Variants in CHRM3 observed in about 807,000 individuals in gnomAD.
CHRM3 encodes muscarinic acetylcholine receptor M3.
In CHRM3, 11 loss-of-function variants were observed where a neutral mutation model predicts 41.8. That is an observed-to-expected ratio of 0.26 (90% CI 0.17 to 0.44). The LOEUF is 0.44. Among genes scored for constraint, CHRM3 ranks in the 20% least tolerant of loss-of-function variants. The pLI is 1.00. For synonymous variants in CHRM3, 297 were observed against 301.4 expected (o/e 0.99, Z 0.15); for missense variants, 571 against 745.4 (o/e 0.77, Z 2.72).
intron 5 of CHRM3, among the ~76,000 whole-genome samples, chr1:239,813,724 T>A (rs596625): frequency 1.6e-5 from 2 of 125,174 alleles, no homozygotes; most frequent in South Asian, 2.7e-4. Flanking sequence ...GAGACCATCC[T>A]GGCTAACACG....
At chr1:239,502,775 G>T (rs191593736) in intron 2 of CHRM3, among the ~76,000 whole-genome samples, 115 of 152,176 alleles carry the variant, frequency 7.6e-4, no homozygotes, top group African/African-American at 2.7e-3. Context: ...CAATAACTGT[G>T]ATACACCACA....
intron 1 of CHRM3, among the ~76,000 whole-genome samples, chr1:239,440,225 A>G (rs140235285): frequency 0.031 from 4,760 of 151,288 alleles, 115 homozygotes; most frequent in Admixed American, 0.069. Context: ...GCCTCTCTAT[A>G]GGGACATTAA....
In CHRM3 at chr1:239,910,711, C is replaced by A. The variant is rs1572666961; in HGVS notation, c.*1487C>A. On this transcript the variant is annotated 3_prime_UTR_variant, in exon 7 of 7. Transcript: ENST00000676153. ...GTTGCTGCTGTAGCTGTTGGGGTTTCTTTTCCTGTTGCCGGGGCTGTTTGG... is the reference window on the plus strand; with the variant it reads ...GTTGCTGCTGTAGCTGTTGGGGTTTATTTTCCTGTTGCCGGGGCTGTTTGG... 1 of 154,178 alleles carries A rather than the reference C, an allele frequency of 6.5e-6. No individual in the cohort carries two copies. The highest frequency in any genetic ancestry group is 2.7e-5 in the African/African-American group (1 of 37,170). 9.6% of individuals were successfully genotyped at this position (154,178 alleles called of 1,614,324 possible).
At chr1:239,821,932 A>G (rs1672084808) in intron 5 of CHRM3, among the ~76,000 whole-genome samples, 1 of 152,170 alleles carries the variant, frequency 6.6e-6, no homozygotes, top group African/African-American at 2.4e-5. Context: ...ATAACTGTCC[A>G]GCATTTCCCC....
At position 239,838,923 on chromosome 1, in the gene CHRM3, A is replaced by G. The variant is rs548747729; in HGVS notation, c.-20+11545A>G. On this transcript the variant is annotated intron_variant, in intron 6 of 6. Coordinates refer to ENST00000676153, the MANE Select transcript of CHRM3 (RefSeq NM_001375978.1). ...CTCAGGGAAGAATCAAGAAAATTTA[A>G]AATGGATTAAGGATGATGTTAAACA... Among the ~76,000 whole-genome samples the G allele has an allele frequency of 2.7e-3, 415 of 152,374 alleles. 2 individuals carry two copies. Among genetic ancestry groups the G allele is most frequent in the African/African-American group, 9.7e-3 (404 of 41,598 alleles).
At chr1:239,843,482 T>A (rs1674006029) in intron 6 of CHRM3, among the ~76,000 whole-genome samples, 1 of 128,350 alleles carries the variant, frequency 7.8e-6, no homozygotes, top group Admixed American at 8.9e-5. Flanking sequence ...GCATTCCTCT[T>A]AGGACTTATC....
intron 5 of CHRM3, among the ~76,000 whole-genome samples, chr1:239,684,502 T>C (rs1658881571): frequency 6.6e-6 from 1 of 151,768 alleles, no homozygotes; most frequent in Admixed American, 6.6e-5. Flanking sequence ...GAGACCAGGC[T>C]GGGCAACATG....
chr1:239,404,422 GA>G lies in CHRM3; in HGVS notation c.-521+17198del, dbSNP rs1467818371. On this transcript the variant is annotated intron_variant, in intron 1 of 6. Coordinates refer to ENST00000676153, the MANE Select transcript of CHRM3 (RefSeq NM_001375978.1). The stretch of plus-strand genomic sequence containing the variant: ...AAAGAAAGAAAGAAAAAGAAAGAAA[GA>G]AAGAAAGAAAGAAAGAAAGAAAGAA... 2.1e-4 allele frequency among the ~76,000 whole-genome samples: 19 copies of G among 90,850 alleles called. 1 individual carries two copies. Among genetic ancestry groups the G allele is most frequent in the African/African-American group, 8.8e-4 (18 of 20,502 alleles). 59.6% of individuals were successfully genotyped at this position (90,850 alleles called of 152,430 possible).
At chr1:239,819,131 G>A (rs144622264) in intron 5 of CHRM3, among the ~76,000 whole-genome samples, 10 of 152,222 alleles carry the variant, frequency 6.6e-5, no homozygotes, top group Admixed American at 1.3e-4. Context: ...TACCTGACTG[G>A]AGTCCCTGGC....
At chr1:239,695,334 C>G (rs1433792242) in intron 5 of CHRM3, among the ~76,000 whole-genome samples, 2 of 152,070 alleles carry the variant, frequency 1.3e-5, no homozygotes, top group Non-Finnish European at 2.9e-5. Context: ...CAGAAAATAC[C>G]ATCTTATTTT....
At chr1:239,582,079 T>C (rs2148594018) in intron 3 of CHRM3, among the ~76,000 whole-genome samples, 1 of 152,324 alleles carries the variant, frequency 6.6e-6, no homozygotes, top group South Asian at 2.1e-4. Context: ...TTTAATTTCT[T>C]GTGAAAGAGC....
intron 1 of CHRM3, among the ~76,000 whole-genome samples, chr1:239,393,991 T>C (rs1273876011): frequency 6.6e-6 from 1 of 152,190 alleles, no homozygotes; most frequent in African/African-American, 2.4e-5. Flanking sequence ...TGTATATACA[T>C]CCATTATCAC....
In CHRM3 at chr1:239,702,469, G is replaced by A. The variant is rs539034153; in HGVS notation, c.-147+24181G>A. The stretch of plus-strand genomic sequence containing the variant: ...ACTTTCACAAATGTTCATTTCACTT[G>A]TAAGTCTAGGAAGGTAAGCATTGTC... On this transcript the variant is annotated intron_variant, in intron 5 of 6. Transcript: ENST00000676153. Among the ~76,000 whole-genome samples the A allele has an allele frequency of 3.9e-5, 6 of 152,290 alleles. No homozygotes were observed. The East Asian group carries it at 9.6e-4, about 24-fold the overall frequency.
intron 2 of CHRM3, among the ~76,000 whole-genome samples, chr1:239,505,237 A>G (rs1245680203): frequency 6.6e-6 from 1 of 150,670 alleles, no homozygotes; most frequent in Non-Finnish European, 1.5e-5. Context: ...CTTGAGGCAT[A>G]TTGTTCAGTA....
At chr1:239,643,176 C>T (rs765408269) in intron 4 of CHRM3, among the ~76,000 whole-genome samples, 69 of 152,058 alleles carry the variant, frequency 4.5e-4, no homozygotes, top group Middle Eastern at 3.4e-3. Context: ...TCTGCCCCTA[C>T]TGGGGGGTGC....
chr1:239,809,625 G>A (rs1444325817), intron 5 of CHRM3, among the ~76,000 whole-genome samples: 1 of 152,056 alleles, frequency 6.6e-6, no homozygotes, highest in Non-Finnish European at 1.5e-5. Context: ...AGCCACCCAA[G>A]TAGCTGGGAC....
intron 6 of CHRM3, among the ~76,000 whole-genome samples, chr1:239,900,113 G>T (rs1313341666): frequency 6.6e-6 from 1 of 152,192 alleles, no homozygotes; most frequent in Non-Finnish European, 1.5e-5. Context: ...TGTAGACTGT[G>T]AACTTCCTTG....
intron 3 of CHRM3, among the ~76,000 whole-genome samples, chr1:239,553,823 C>A (rs929419692): frequency 2.4e-4 from 37 of 152,206 alleles, no homozygotes; most frequent in African/African-American, 8.9e-4. Flanking sequence ...TTATTTATCC[C>A]AACAAGGAAA....
At chr1:239,707,898 A>C (rs1374693329) in intron 5 of CHRM3, 2 of 152,240 alleles carry the variant, frequency 1.3e-5, no homozygotes. Context: ...CTTGGCCTTG[A>C]AACAATCTTT....
Sources: gnomAD v4.1 joint callset for allele counts (sites outside exome capture counted in the v4.1 genomes callset) on GRCh38, gnomAD v4.1.1 for gene constraint, MANE v1.5 for transcripts, NCBI Gene and HGNC (gene_info 2026-07-23, HGNC 2026-07-21) for gene names.